Variants in CPEB3 observed in about 807,000 individuals in gnomAD.
CPEB3 encodes the protein cytoplasmic polyadenylation element-binding protein 3.
CPEB3 carries 20 observed loss-of-function variants against 67.2 expected under a neutral mutation model. The ratio of observed to expected loss-of-function variants is 0.30; its 90% CI spans 0.21 to 0.43. The LOEUF (loss-of-function observed/expected upper bound fraction) is 0.43, where lower values mean the gene tolerates loss of function less well. Ranked by LOEUF, CPEB3 falls within the 20% of genes least tolerant of loss-of-function variation. The pLI, the probability that CPEB3 is intolerant of heterozygous loss-of-function variation, is 1.00. For synonymous variants in CPEB3, 376 were observed against 393.1 expected (o/e 0.96, Z 0.51); for missense variants, 746 against 968.6 (o/e 0.77, Z 3.05).
At chr10:92,223,699 A>G (rs962560325) in intron 2 of CPEB3, among the ~76,000 whole-genome samples, 4 of 144,196 alleles carry the variant, frequency 2.8e-5, no homozygotes, top group Non-Finnish European at 6.0e-5. Flanking sequence ...TCAGCCCCTC[A>G]AGCAGCTGGG....
At chr10:92,079,717 A>G (rs1843064748) in intron 9 of CPEB3, among the ~76,000 whole-genome samples, 1 of 152,202 alleles carries the variant, frequency 6.6e-6, no homozygotes. Context: ...ATCCATCACC[A>G]GTTAAAATTT....
In CPEB3 at chr10:92,190,539, C is replaced by G. The variant is rs199500022; in HGVS notation, c.1165+1938G>C. Among the ~76,000 whole-genome samples, 12 of 151,604 alleles carry G rather than the reference C, an allele frequency of 7.9e-5. No individual in the cohort carries two copies. In the East Asian group the frequency reaches 2.3e-3, roughly 30 times the overall value. On this transcript the variant is annotated intron_variant, in intron 3 of 9. Transcript: ENST00000265997. ...AATTAGCTGGGTGTAGTGGCACATGCCTGTAAACCCAGCTACTCAGGAAGC... is the reference window on the plus strand; with the variant it reads ...AATTAGCTGGGTGTAGTGGCACATGGCTGTAAACCCAGCTACTCAGGAAGC...
chr10:92,094,883 A>G (rs1022561566), intron 7 of CPEB3, among the ~76,000 whole-genome samples: 1 of 151,776 alleles, frequency 6.6e-6, no homozygotes, highest in Non-Finnish European at 1.5e-5. Flanking sequence ...TTCTAATCTC[A>G]TTCCTAATAA....
chr10:92,203,528 ATTT>A (rs1298232679), intron 2 of CPEB3, among the ~76,000 whole-genome samples: 31 of 93,872 alleles, frequency 3.3e-4, no homozygotes, highest in South Asian at 1.0e-3. Flanking sequence ...ATATATATAT[ATTT>A]TTTTTTTAGA....
At chr10:92,182,863 AC>A (rs1254207092) in intron 3 of CPEB3, among the ~76,000 whole-genome samples, 1 of 151,626 alleles carries the variant, frequency 6.6e-6, no homozygotes, top group Non-Finnish European at 1.5e-5. Context: ...GAAAAACAAA[AC>A]CCTCGCAAGT....
At chr10:92,287,457 A>C (rs1351664904) in intron 1 of CPEB3, among the ~76,000 whole-genome samples, 1 of 151,638 alleles carries the variant, frequency 6.6e-6, no homozygotes, top group Non-Finnish European at 1.5e-5. Flanking sequence ...CAAAGCTGAC[A>C]AACAATATTG....
At chr10:92,177,560 C>T (rs1370551549) in intron 4 of CPEB3, among the ~76,000 whole-genome samples, 1 of 152,214 alleles carries the variant, frequency 6.6e-6, no homozygotes, top group Non-Finnish European at 1.5e-5. Flanking sequence ...TTGGTTTACA[C>T]AAACCTCGCC....
Position 92,243,751 on chromosome 10 carries a change from G to T in CPEB3, c.-11-3390C>A, listed in dbSNP as rs1830828030. 2.0e-5 allele frequency among the ~76,000 whole-genome samples: 3 copies of T among 152,186 alleles called. No homozygotes were observed. The South Asian group carries it at 6.2e-4, about 32-fold the overall frequency. ...ATTTTTCAGCAGAGATGGCATAAAA[G>T]AATCACTTTTAGTTTAGAATAAAAA... On this transcript the variant is annotated intron_variant, in intron 1 of 9. Coordinates refer to ENST00000265997, the MANE Select transcript of CPEB3 (RefSeq NM_014912.5).
intron 9 of CPEB3, among the ~76,000 whole-genome samples, chr10:92,065,711 C>T (rs1203296813): frequency 6.6e-6 from 1 of 152,060 alleles, no homozygotes. Flanking sequence ...TTAAAGAGTA[C>T]ATCTGGGACT....
At chr10:92,224,181 T>C (rs1850849578) in intron 2 of CPEB3, among the ~76,000 whole-genome samples, 1 of 152,212 alleles carries the variant, frequency 6.6e-6, no homozygotes, top group African/African-American at 2.4e-5. Context: ...ATTACAGGCG[T>C]GAGCCACCGT....
intron 8 of CPEB3, among the ~76,000 whole-genome samples, chr10:92,083,905 C>A (rs777111742): frequency 8.5e-5 from 13 of 152,112 alleles, no homozygotes; most frequent in African/African-American, 2.4e-4. Context: ...TCAGGATCGC[C>A]GGGCACGGTG....
intron 1 of CPEB3, among the ~76,000 whole-genome samples, chr10:92,263,115 GC>G (rs879549859): frequency 1.3e-5 from 2 of 152,102 alleles, no homozygotes; most frequent in Non-Finnish European, 2.9e-5. Context: ...TCACTCCACA[GC>G]CCAGGCTAGA....
chr10:92,248,595 G>C (rs527440609), intron 1 of CPEB3, among the ~76,000 whole-genome samples: 1 of 152,146 alleles, frequency 6.6e-6, no homozygotes. Context: ...AAAACAGCCA[G>C]GTTCAAGTTA....
chr10:92,288,986 CTA>C (rs1842666518), intron 1 of CPEB3, among the ~76,000 whole-genome samples: 1 of 152,198 alleles, frequency 6.6e-6, no homozygotes. Context: ...TGGCTCACAT[CTA>C]TGATCCCAGC....
At position 92,279,586 on chromosome 10, in the gene CPEB3, T is replaced by C. The variant is rs181496563; in HGVS notation, c.-12+11340A>G. 3.3e-5 allele frequency among the ~76,000 whole-genome samples: 5 copies of C among 152,288 alleles called. No individual in the cohort carries two copies. In the East Asian group the frequency reaches 7.7e-4, roughly 24 times the overall value. On this transcript the variant is annotated intron_variant, in intron 1 of 9. Coordinates refer to ENST00000265997, the MANE Select transcript of CPEB3 (RefSeq NM_014912.5). ...ATCTGCTATTGTGAGCAGGGGCCAC[T>C]ACTAATTTCTGTAAAGGCTTGAGAT...
At chr10:92,093,707 T>C (rs1043317052) in intron 7 of CPEB3, among the ~76,000 whole-genome samples, 1 of 152,126 alleles carries the variant, frequency 6.6e-6, no homozygotes, top group Non-Finnish European at 1.5e-5. Context: ...TTCACCATGT[T>C]GGCCAGCTGG....
At chr10:92,275,668 A>G (rs909320673) in intron 1 of CPEB3, among the ~76,000 whole-genome samples, 3 of 152,140 alleles carry the variant, frequency 2.0e-5, no homozygotes, top group Non-Finnish European at 2.9e-5. Flanking sequence ...AACACAACTT[A>G]GTTGTCAACT....
chr10:92,279,913 A>G (rs1842183257), intron 1 of CPEB3, among the ~76,000 whole-genome samples: 1 of 152,140 alleles, frequency 6.6e-6, no homozygotes, highest in Admixed American at 6.5e-5. Context: ...GGGGAGGTTG[A>G]GGCATGAAAG....
intron 4 of CPEB3, among the ~76,000 whole-genome samples, chr10:92,158,011 G>C (rs1335194473): frequency 6.6e-6 from 1 of 151,128 alleles, no homozygotes. Flanking sequence ...CTCACAATTT[G>C]GCAAGCAAAA....
Sources: allele counts gnomAD v4.1 joint callset (sites outside exome capture counted in the v4.1 genomes callset), GRCh38; gene constraint gnomAD v4.1.1; transcripts MANE v1.5; gene names NCBI Gene and HGNC (gene_info 2026-07-23, HGNC 2026-07-21).